STARD13: variants seen among roughly 807,000 people sequenced by gnomAD.
STARD13 encodes the protein stAR-related lipid transfer protein 13.
In STARD13, 62 loss-of-function variants were observed where a neutral mutation model predicts 106.4. The observed-to-expected ratio is 0.58, with a 90% confidence interval of 0.48 to 0.72. The LOEUF (loss-of-function observed/expected upper bound fraction) is 0.72. Ranked by LOEUF, STARD13 falls within the 30% of genes least tolerant of loss-of-function variation. The pLI, the probability that STARD13 is intolerant of heterozygous loss-of-function variation, is 0.00. For synonymous variants in STARD13, 565 were observed against 553.0 expected (o/e 1.02, Z -0.31); for missense variants, 1,387 against 1,424.0 (o/e 0.97, Z 0.42).
the STARD13 span, among the ~76,000 whole-genome samples, chr13:33,651,565 T>C: frequency 6.1e-3 from 930 of 151,996 alleles, 10 homozygotes; most frequent in African/African-American, 0.021. Context: ...AACTTTGAGA[T>C]GTTTGATTAA....
chr13:33,605,847 T>A, the STARD13 span, among the ~76,000 whole-genome samples: 1 of 152,222 alleles, frequency 6.6e-6, no homozygotes, highest in Non-Finnish European at 1.5e-5. Context: ...AAATTTGGGA[T>A]GTCGATTCTC....
At chr13:33,560,536 C>T in the STARD13 span, among the ~76,000 whole-genome samples, 1 of 151,152 alleles carries the variant, frequency 6.6e-6, no homozygotes, top group Non-Finnish European at 1.5e-5. Flanking sequence ...GTCTTACATC[C>T]CGTGGGTCAC....
chr13:33,647,207 G>A, the STARD13 span, among the ~76,000 whole-genome samples: 4 of 152,162 alleles, frequency 2.6e-5, no homozygotes, highest in Non-Finnish European at 1.5e-5. Flanking sequence ...CGGATTTGAT[G>A]TCCTTGGAAG....
intron 1 of STARD13, among the ~76,000 whole-genome samples, chr13:33,302,921 A>C (rs1302095815): frequency 6.6e-6 from 1 of 152,206 alleles, no homozygotes; most frequent in Non-Finnish European, 1.5e-5. Flanking sequence ...CCACTGGTAA[A>C]AGGACAATGT....
At position 33,109,907 on chromosome 13, in the gene STARD13, C is replaced by A; in HGVS notation, c.3013G>T (p.Ala1005Ser). Residue 1005 changes from alanine to serine, a missense_variant, in exon 12 of 14, where the codon GCT (alanine) becomes TCT (serine). Transcript: ENST00000336934. Reference sequence around the variant, plus strand: ...ACAAAGTCTCTGGAAGGATGGGGAGCCATGCTGTTCAGCACATACTGGTAG... The same window carrying A: ...ACAAAGTCTCTGGAAGGATGGGGAGACATGCTGTTCAGCACATACTGGTAG... ...EIYQYVLNSM[A>S]PHPSRDFVVL... The A allele has an allele frequency of 6.2e-7, 1 of 1,614,230 alleles. No individual in the cohort carries two copies. Among genetic ancestry groups the A allele is most frequent in the Non-Finnish European group, 8.5e-7 (1 of 1,180,034 alleles).
the STARD13 span, among the ~76,000 whole-genome samples, chr13:33,667,681 G>T: frequency 6.6e-6 from 1 of 152,318 alleles, no homozygotes; most frequent in African/African-American, 2.4e-5. Flanking sequence ...GTTGTAAAAT[G>T]CATCTCAATT....
chr13:33,652,820 G>T, the STARD13 span, among the ~76,000 whole-genome samples: 3 of 151,422 alleles, frequency 2.0e-5, no homozygotes, highest in Admixed American at 6.6e-5. Flanking sequence ...ACAATGTGTT[G>T]GTCAAATATC....
chr13:33,616,091 CAGAATT>C, the STARD13 span, among the ~76,000 whole-genome samples: 1 of 148,890 alleles, frequency 6.7e-6, no homozygotes, highest in Non-Finnish European at 1.5e-5. Flanking sequence ...CATTTCTTGA[CAGAATT>C]AGATTTGCTT....
the STARD13 span, among the ~76,000 whole-genome samples, chr13:33,613,639 G>C: frequency 6.6e-6 from 1 of 152,218 alleles, no homozygotes. Flanking sequence ...CTGGAAGCTT[G>C]AGGGCTGGTC....
At chr13:33,349,517 C>T (rs1249804266) in intron 1 of STARD13, among the ~76,000 whole-genome samples, 2 of 152,202 alleles carry the variant, frequency 1.3e-5, no homozygotes, top group Non-Finnish European at 2.9e-5. Flanking sequence ...GGAGCATGCA[C>T]AGAAGCAGCA....
intron 1 of STARD13, chr13:33,281,192 G>A (rs966778179): frequency 6.6e-6 from 1 of 152,140 alleles, no homozygotes; most frequent in Non-Finnish European, 1.5e-5. Context: ...GTCCAGTGAA[G>A]CTCTGGAACT....
chr13:33,621,986 G>C, the STARD13 span, among the ~76,000 whole-genome samples: 1 of 151,544 alleles, frequency 6.6e-6, no homozygotes, highest in African/African-American at 2.4e-5. Context: ...TGTACTTTTA[G>C]TAGAGAAGGG....
At chr13:33,282,778 G>A (rs1423476752) in intron 1 of STARD13, among the ~76,000 whole-genome samples, 3 of 152,104 alleles carry the variant, frequency 2.0e-5, no homozygotes, top group Non-Finnish European at 2.9e-5. Context: ...TGTAATCCCC[G>A]CACTTTGTGA....
chr13:33,668,292 GA>G, the STARD13 span, among the ~76,000 whole-genome samples: 4 of 152,228 alleles, frequency 2.6e-5, no homozygotes, highest in Admixed American at 2.0e-4. Flanking sequence ...GGACCTCTAG[GA>G]AAAATCGAAC....
chr13:33,416,497 T>G, the STARD13 span, among the ~76,000 whole-genome samples: 2 of 152,188 alleles, frequency 1.3e-5, no homozygotes, highest in Non-Finnish European at 2.9e-5. Flanking sequence ...GAGGATGTAG[T>G]CTGTAGTTTC....
chr13:33,450,464 C>G, the STARD13 span, among the ~76,000 whole-genome samples: 1 of 152,182 alleles, frequency 6.6e-6, no homozygotes, highest in African/African-American at 2.4e-5. Context: ...CTGAATTTGG[C>G]TCACTTATTT....
the STARD13 span, among the ~76,000 whole-genome samples, chr13:33,394,026 A>G: frequency 6.6e-6 from 1 of 152,236 alleles, no homozygotes; most frequent in Non-Finnish European, 1.5e-5. Context: ...AAATTATTAT[A>G]TAAAATTAAG....
At chr13:33,560,348 A>G in the STARD13 span, among the ~76,000 whole-genome samples, 396 of 151,726 alleles carry the variant, frequency 2.6e-3, 24 homozygotes, top group African/African-American at 9.5e-3. Flanking sequence ...CTGTCCTTAT[A>G]TGGACTGCTG....
chr13:33,345,460 A>G (rs2078007820), downstream of STARD13, among the ~76,000 whole-genome samples: 1 of 152,208 alleles, frequency 6.6e-6, no homozygotes, highest in South Asian at 2.1e-4. Flanking sequence ...AAATAGGCAC[A>G]GATGGCTTTT....
Sources: gnomAD v4.1 joint callset for allele counts (sites outside exome capture counted in the v4.1 genomes callset) on GRCh38, gnomAD v4.1.1 for gene constraint, MANE v1.5 for transcripts, NCBI Gene and HGNC (gene_info 2026-07-23, HGNC 2026-07-21) for gene names.